The following COL22A1 variants were observed in gnomAD, a reference collection of about 807,000 sequenced individuals.
COL22A1 encodes collagen alpha-1(XXII) chain.
Under a neutral mutation model 248.9 loss-of-function variants are expected in COL22A1, and 221 were observed. The ratio of observed to expected loss-of-function variants is 0.89; its 90% confidence interval spans 0.80 to 0.99. The LOEUF (loss-of-function observed/expected upper bound fraction) is 0.99, where lower values mean the gene tolerates loss of function less well. COL22A1 is among the 50% of genes least tolerant of loss of function. COL22A1 has a pLI of 0.00. For missense variants in COL22A1, 2,240 were observed against 2,179.0 expected (o/e 1.03, Z -0.56); for synonymous variants, 891 against 793.4 (o/e 1.12, Z -2.07).
chr8:138,629,074 G>C (rs150340490), intron 50 of COL22A1, among the ~76,000 whole-genome samples: 2,379 of 152,090 alleles, frequency 0.016, 65 homozygotes, highest in African/African-American at 0.054. Flanking sequence ...GTCTCCCAAA[G>C]TGCTGTGATT....
At chr8:138,894,931 T>C (rs1019564974) in intron 1 of COL22A1, among the ~76,000 whole-genome samples, 9 of 152,040 alleles carry the variant, frequency 5.9e-5, no homozygotes, top group Non-Finnish European at 1.2e-4. Flanking sequence ...TAGTGGTACA[T>C]GCCTGTAGTC....
intron 1 of COL22A1, among the ~76,000 whole-genome samples, chr8:138,885,850 A>G (rs1457037286): frequency 6.6e-6 from 1 of 152,238 alleles, no homozygotes; most frequent in Non-Finnish European, 1.5e-5. Flanking sequence ...GGCATGAGCC[A>G]CTGCGCCCAG....
intron 18 of COL22A1, among the ~76,000 whole-genome samples, chr8:138,758,554 T>G (rs956716525): frequency 6.6e-6 from 1 of 152,176 alleles, no homozygotes; most frequent in East Asian, 1.9e-4. Context: ...CAGATTCACT[T>G]TGGGGCTTGG....
intron 30 of COL22A1, among the ~76,000 whole-genome samples, chr8:138,709,187 G>A (rs1436350240): frequency 6.6e-6 from 1 of 152,166 alleles, no homozygotes; most frequent in Admixed American, 6.5e-5. Flanking sequence ...TACACTGTTG[G>A]TGGGACTGTA....
chr8:138,685,676 C>T (rs2130860263), intron 37 of COL22A1, among the ~76,000 whole-genome samples: 1 of 152,198 alleles, frequency 6.6e-6, no homozygotes, highest in East Asian at 1.9e-4. Context: ...GACACAAATA[C>T]ACAGGGACAA....
At chr8:138,731,857 C>T (rs1005639959) in intron 23 of COL22A1, among the ~76,000 whole-genome samples, 4 of 152,224 alleles carry the variant, frequency 2.6e-5, no homozygotes, top group African/African-American at 4.8e-5. Flanking sequence ...GGGACCTTAC[C>T]GTGAGGCTCA....
chr8:138,679,077 T>C (rs1208311099), intron 40 of COL22A1, among the ~76,000 whole-genome samples: 3 of 152,098 alleles, frequency 2.0e-5, no homozygotes, highest in African/African-American at 7.2e-5. Flanking sequence ...CCACCACACC[T>C]GCCTAATTTT....
rs1370286178 is a variant in COL22A1, at chr8:138,664,205, GCGCGCACA to G, written c.3151-473_3151-466del. On this transcript the variant is annotated intron_variant, in intron 41 of 64. Coordinates refer to ENST00000303045, the MANE Select transcript of COL22A1 (RefSeq NM_152888.3). ...TCTCCAACAAGGGGTGCGCGCGCGC[GCGCGCACA>G]CACACACACACACACACACACACAC... Among the ~76,000 whole-genome samples the G allele has an allele frequency of 2.5e-3, 245 of 96,986 alleles. 1 individual carries two copies. Among genetic ancestry groups the G allele is most frequent in the African/African-American group, 5.9e-3 (155 of 26,410 alleles). The allele number at this position is 96,986 out of a possible 152,430, so 63.6% of individuals were successfully genotyped here.
chr8:138,748,447 A>G (rs2131325747), intron 22 of COL22A1, among the ~76,000 whole-genome samples: 1 of 152,352 alleles, frequency 6.6e-6, no homozygotes, highest in Non-Finnish European at 1.5e-5. Flanking sequence ...GAAAATGAGA[A>G]GTCAGACTTT....
chr8:138,752,011 G>T (rs1040225555), intron 21 of COL22A1, among the ~76,000 whole-genome samples: 1 of 152,198 alleles, frequency 6.6e-6, no homozygotes, highest in African/African-American at 2.4e-5. Context: ...GCAGGGAGGG[G>T]TCATACTGAC....
At chr8:138,643,647 T>TAGATAGATAGATAGATAGATAGATAGAC (rs568597361) in intron 47 of COL22A1, among the ~76,000 whole-genome samples, 1 of 26,594 alleles carries the variant, frequency 3.8e-5, no homozygotes, top group African/African-American at 5.9e-5. Flanking sequence ...GATAGATAGA[T>TAGATAGATAGATAGATAGATAGATAGAC]AGACAGATAG....
intron 1 of COL22A1, among the ~76,000 whole-genome samples, chr8:138,909,375 C>CTTTTTTTTT (rs57916926): frequency 9.1e-5 from 13 of 142,642 alleles, no homozygotes; most frequent in Admixed American, 1.4e-4. Context: ...GCTGACTTGC[C>CTTTTTTTTT]TTTTTTTTTT....
intron 41 of COL22A1, among the ~76,000 whole-genome samples, chr8:138,664,435 C>T (rs138703528): frequency 1.3e-5 from 2 of 152,092 alleles, no homozygotes; most frequent in South Asian, 2.1e-4. Context: ...TGAGGCTTTG[C>T]GATGCTTGTG....
At chr8:138,829,986 G>A (rs749450306) in intron 5 of COL22A1, among the ~76,000 whole-genome samples, 3 of 152,058 alleles carry the variant, frequency 2.0e-5, no homozygotes, top group Non-Finnish European at 4.4e-5. Flanking sequence ...GTTTATATAT[G>A]TACCCATATG....
chr8:138,681,331 C>A (rs566264300), intron 39 of COL22A1, among the ~76,000 whole-genome samples: 1 of 152,198 alleles, frequency 6.6e-6, no homozygotes, highest in African/African-American at 2.4e-5. Flanking sequence ...ACACTCTGAG[C>A]CTACCCATCA....
Position 138,716,266 on chromosome 8 carries a change from A to T in COL22A1, c.2424T>A (p.Ala808=). ...CTCCTCTCACACCTGGGAAGCCTGGAGCCCCTGGGAGGCCTGCTTCTCCCT... is the reference window on the plus strand; with the variant it reads ...CTCCTCTCACACCTGGGAAGCCTGGTGCCCCTGGGAGGCCTGCTTCTCCCT... ...GEKGEAGLPG[A]PGFPGVRGEK... Residue 808 remains alanine, a synonymous_variant, in exon 29 of 65, where the codon GCT becomes GCA. Transcript: ENST00000303045. 6.3e-7 allele frequency: 1 copy of T among 1,592,792 alleles called. No individual in the cohort carries two copies. The highest frequency in any genetic ancestry group is 8.6e-7 in the Non-Finnish European group (1 of 1,167,942).
At chr8:138,666,385 T>A (rs1243038985) in intron 41 of COL22A1, among the ~76,000 whole-genome samples, 2 of 152,222 alleles carry the variant, frequency 1.3e-5, no homozygotes, top group African/African-American at 2.4e-5. Context: ...TCTCTCACTT[T>A]AACCCCAATC....
intron 30 of COL22A1, among the ~76,000 whole-genome samples, chr8:138,710,479 T>C (rs1343420415): frequency 6.6e-6 from 1 of 152,170 alleles, no homozygotes; most frequent in Non-Finnish European, 1.5e-5. Flanking sequence ...TTATAAAATG[T>C]TGTATCCTTT....
In COL22A1 at chr8:138,821,351, T is replaced by C. The variant is rs748242721; in HGVS notation, c.1030A>G (p.Lys344Glu). 9.9e-6 allele frequency: 16 copies of C among 1,614,152 alleles called. 1 individual carries two copies. The East Asian group carries it at 3.6e-4, about 36-fold the overall frequency. Residue 344 changes from lysine to glutamate, a missense_variant, in exon 7 of 65, where the codon AAA becomes GAA. Physicochemically the swap from Lys to Glu is moderately conservative, Grantham distance 56. Coordinates refer to ENST00000303045, the MANE Select transcript of COL22A1 (RefSeq NM_152888.3). ...CGGAAGACCACCCTGACAGCATCTT[T>C]CATGGCACCCACAGCGTTGTACTCG... ...AVEYNAVGAM[K>E]DAVRVVFRGS...
Sources: allele counts gnomAD v4.1 joint callset (sites outside exome capture counted in the v4.1 genomes callset), GRCh38; gene constraint gnomAD v4.1.1; transcripts MANE v1.5; gene names NCBI Gene and HGNC (gene_info 2026-07-23, HGNC 2026-07-21).